The following ARHGEF9 variants were observed in gnomAD, a reference collection of about 807,000 sequenced individuals.
ARHGEF9 encodes the protein rho guanine nucleotide exchange factor 9.
A neutral mutation model predicts 41.3 loss-of-function variants in ARHGEF9; 2 were observed. The ratio of observed to expected loss-of-function variants is 0.05; its 90% CI spans 0.02 to 0.15. The LOEUF (loss-of-function observed/expected upper bound fraction) is 0.15, where lower values mean the gene tolerates loss of function less well. ARHGEF9 is among the 10% of genes least tolerant of loss of function. ARHGEF9 has a pLI of 1.00. For synonymous variants in ARHGEF9, 160 were observed against 154.4 expected (o/e 1.04, Z -0.27); for missense variants, 225 against 424.7 (o/e 0.53, Z 4.13).
chrX:63,743,524 C>G (rs2055087683), intron 1 of ARHGEF9: 1 of 112,612 alleles, frequency 8.9e-6, no homozygotes, highest in Non-Finnish European at 1.9e-5. Flanking sequence ...TGTCCTGCCC[C>G]CAGATCAGTG....
chrX:63,784,419 TC>T (rs1340997815), intron 1 of ARHGEF9, among the ~76,000 whole-genome samples: 4 of 112,407 alleles, frequency 3.6e-5, no homozygotes, highest in African/African-American at 1.3e-4. Context: ...AAGCACACAC[TC>T]CTTGGGAGGG....
At chrX:63,651,576 G>A (rs781882317) in intron 8 of ARHGEF9, among the ~76,000 whole-genome samples, 5 of 110,889 alleles carry the variant, frequency 4.5e-5, no homozygotes, top group Admixed American at 9.7e-5. Context: ...TGTAAATTCC[G>A]GATGGATTAC....
At chrX:63,678,648 G>T in intron 4 of ARHGEF9, 76 bp from the exon 5 acceptor site, 1 of 672,470 alleles carries the variant, frequency 1.5e-6, no homozygotes, top group Non-Finnish European at 2.3e-6. Flanking sequence ...TGGAAAGACA[G>T]ATCATATTCT....
At chrX:63,734,298 C>G (rs1473867629) in intron 1 of ARHGEF9, among the ~76,000 whole-genome samples, 3 of 112,116 alleles carry the variant, frequency 2.7e-5, no homozygotes, top group Admixed American at 9.4e-5. Context: ...AGAGAAGGTC[C>G]TATATACTAC....
chrX:63,684,174 A>T (rs1556372905), intron 4 of ARHGEF9, among the ~76,000 whole-genome samples: 1 of 110,948 alleles, frequency 9.0e-6, no homozygotes, highest in Non-Finnish European at 1.9e-5. Flanking sequence ...AAAAAAAAAC[A>T]AATAAACAAA....
At chrX:63,728,452 G>A (rs148086764) in intron 1 of ARHGEF9, among the ~76,000 whole-genome samples, 1,914 of 111,816 alleles carry the variant, frequency 0.017, 48 homozygotes, top group African/African-American at 0.06. Flanking sequence ...TTATGGGCAC[G>A]CATACCTACC....
In ARHGEF9 at chrX:63,643,360, C is replaced by CT. The variant is rs548964367; in HGVS notation, c.1390+619dup. Among the ~76,000 whole-genome samples, 648 of 98,208 alleles carry CT rather than the reference C, an allele frequency of 6.6e-3. 3 individuals carry two copies. Among genetic ancestry groups the CT allele is most frequent in the African/African-American group, 0.016 (417 of 26,894 alleles). 85.3% of individuals were successfully genotyped at this position (98,208 alleles called of 115,157 possible). On this transcript the variant is annotated intron_variant, in intron 9 of 9. Transcript: ENST00000671741. ...CAGAAAGCTGAGCAATATCTTTATA[C>CT]TTTTTTTTTTTTTTTTTGAGATGTA...
intron 4 of ARHGEF9, among the ~76,000 whole-genome samples, chrX:63,679,488 G>A (rs1296290022): frequency 9.0e-6 from 1 of 111,460 alleles, no homozygotes; most frequent in South Asian, 3.7e-4. Context: ...TCAAGATAGA[G>A]TTGTTATATA....
rs782273429 is a variant in ARHGEF9, at chrX:63,648,705, C to A, written c.1322-4657G>T. On this transcript the variant is annotated intron_variant, in intron 8 of 9. Transcript: ENST00000671741. Reference sequence around the variant, plus strand: ...ATCAGTGTGCTGTATTCAGGAAACCCATCTCACATGCAGAGACACACATAG... The same window carrying A: ...ATCAGTGTGCTGTATTCAGGAAACCAATCTCACATGCAGAGACACACATAG... 1.3e-4 allele frequency among the ~76,000 whole-genome samples: 15 copies of A among 111,225 alleles called. 1 individual carries two copies. Among genetic ancestry groups the A allele is most frequent in the African/African-American group, 4.3e-4 (13 of 30,551 alleles).
chrX:63,650,744 A>C lies in ARHGEF9; in HGVS notation c.1321+4750T>G, dbSNP rs782265987. Among the ~76,000 whole-genome samples the C allele has an allele frequency of 1.1e-4, 12 of 111,087 alleles. No individual in the cohort carries two copies. The South Asian group carries it at 4.5e-3, about 42-fold the overall frequency. On this transcript the variant is annotated intron_variant, in intron 8 of 9. Transcript: ENST00000671741. ...ATTACACATTGTATACAGGTATCAA[A>C]ATATCACATGTACCTTAAAAATATG...
chrX:63,773,795 T>C (rs781848168), intron 1 of ARHGEF9, among the ~76,000 whole-genome samples: 1 of 111,023 alleles, frequency 9.0e-6, no homozygotes, highest in Non-Finnish European at 1.9e-5. Context: ...TAAAGGGGAA[T>C]TCCTCCTGCC....
intron 4 of ARHGEF9, among the ~76,000 whole-genome samples, chrX:63,686,914 A>G (rs1479200194): frequency 1.8e-5 from 2 of 110,966 alleles, no homozygotes; most frequent in Non-Finnish European, 3.8e-5. Flanking sequence ...GGTTCCTATA[A>G]TACTGGAAAA....
intron 1 of ARHGEF9, among the ~76,000 whole-genome samples, chrX:63,773,958 T>G (rs1369049359): frequency 9.0e-6 from 1 of 110,588 alleles, no homozygotes; most frequent in Non-Finnish European, 1.9e-5. Flanking sequence ...GGGCTACACC[T>G]ACACATTAAC....
chrX:63,657,546 G>T (rs782712392), intron 7 of ARHGEF9: 9 of 111,904 alleles, frequency 8.0e-5, no homozygotes, highest in Admixed American at 9.5e-5. Context: ...AATAAGAAAA[G>T]AATATAGATG....
Position 63,655,793 on chromosome X carries a change from G to C in ARHGEF9, c.1078-56C>G, listed in dbSNP as rs56116374. The C allele has an allele frequency of 4.3e-4, 509 of 1,174,207 alleles. 2 individuals carry two copies. In the African/African-American group the frequency reaches 8.0e-3, roughly 19 times the overall value. On this transcript the variant is annotated intron_variant, in intron 7 of 9. Coordinates refer to ENST00000671741, the MANE Select transcript of ARHGEF9 (RefSeq NM_001353921.2). ...TATGTGCACGGCGAGTACTAGAAGA[G>C]TTGGCACAGGGGCACAGCAGAATGC...
At chrX:63,754,353 C>G (rs781816613) in intron 1 of ARHGEF9, 11 of 1,206,961 alleles carry the variant, frequency 9.1e-6, no homozygotes, top group Non-Finnish European at 1.2e-5. Context: ...AAAACGTTTT[C>G]CCCCCTGAGT....
Position 63,638,223 on chromosome X carries a change from G to C in ARHGEF9, c.1391-14C>G. On this transcript the variant is annotated splice_polypyrimidine_tract_variant and intron_variant, in intron 9 of 9. Transcript: ENST00000671741. Reference sequence around the variant, plus strand: ...CAGAGTTGACACCTAGAGTAGATGAGAGATCAAAGGGAAAGGGTATAAGTT... The same window carrying C: ...CAGAGTTGACACCTAGAGTAGATGACAGATCAAAGGGAAAGGGTATAAGTT... 1 of 1,165,431 alleles carries C rather than the reference G, an allele frequency of 8.6e-7. No homozygotes were observed. Among genetic ancestry groups the C allele is most frequent in the Non-Finnish European group, 1.2e-6 (1 of 868,748 alleles).
intron 1 of ARHGEF9, among the ~76,000 whole-genome samples, chrX:63,761,476 A>C (rs2056032911): frequency 9.0e-6 from 1 of 111,643 alleles, no homozygotes; most frequent in Admixed American, 9.5e-5. Flanking sequence ...GAGTGAATGA[A>C]GAGCAAGGCA....
chrX:63,688,279 G>A (rs2051113625), intron 4 of ARHGEF9, among the ~76,000 whole-genome samples: 1 of 111,291 alleles, frequency 9.0e-6, no homozygotes, highest in Admixed American at 9.5e-5. Flanking sequence ...GCCCAGCAGA[G>A]CCATCCTTCA....
Sources: allele counts gnomAD v4.1 joint callset (sites outside exome capture counted in the v4.1 genomes callset), GRCh38; gene constraint gnomAD v4.1.1; transcripts MANE v1.5; gene names NCBI Gene and HGNC (gene_info 2026-07-23, HGNC 2026-07-21).